ANKFN1: variants seen among roughly 807,000 people sequenced by gnomAD.
The protein encoded by ANKFN1 is ankyrin repeat and fibronectin type III domain containing 1, also known as ankyrin repeat and fibronectin type-III domain-containing protein 1.
In ANKFN1, 74 loss-of-function variants were observed where a neutral mutation model predicts 108.7. The ratio of observed to expected loss-of-function variants is 0.68; its 90% CI spans 0.56 to 0.83. The LOEUF is 0.83. Ranked by LOEUF, ANKFN1 falls within the 40% of genes least tolerant of loss-of-function variation. The pLI, the probability that ANKFN1 is intolerant of heterozygous loss-of-function variation, is 0.00. For synonymous variants in ANKFN1, 547 were observed against 516.2 expected (o/e 1.06, Z -0.81); for missense variants, 1,505 against 1,382.3 (o/e 1.09, Z -1.41).
chr17:56,119,972 G>A (rs926752923), intron 4 of ANKFN1, among the ~76,000 whole-genome samples: 1 of 152,044 alleles, frequency 6.6e-6, no homozygotes, highest in Non-Finnish European at 1.5e-5. Flanking sequence ...ATTTGTGTTC[G>A]TCAAATCCTT....
At chr17:56,161,397 G>A (rs1275830805) in intron 1 of ANKFN1, among the ~76,000 whole-genome samples, 1 of 152,060 alleles carries the variant, frequency 6.6e-6, no homozygotes. Flanking sequence ...TTTCCATTTC[G>A]TATCCCACTC....
At chr17:56,294,718 T>C (rs570516706) in intron 3 of ANKFN1, among the ~76,000 whole-genome samples, 9 of 152,204 alleles carry the variant, frequency 5.9e-5, no homozygotes, top group South Asian at 2.1e-4. Flanking sequence ...CTGGCAGAAA[T>C]AGCAGAAACT....
chr17:56,372,910 T>C (rs753297681), intron 7 of ANKFN1, 70 bp downstream of exon 7: 4 of 1,503,580 alleles, frequency 2.7e-6, no homozygotes, highest in Non-Finnish European at 3.6e-6. Flanking sequence ...AGGTCTTCTT[T>C]TACAGATTTT....
At chr17:56,325,262 C>CTGTGTG (rs57226368) in intron 3 of ANKFN1, among the ~76,000 whole-genome samples, 23 of 149,514 alleles carry the variant, frequency 1.5e-4, no homozygotes, top group Admixed American at 5.3e-4. Context: ...GCTAGTGTCG[C>CTGTGTG]TGTGTGTGTG....
At chr17:56,481,082 C>CAAAAAAA (rs11439875) in intron 17 of ANKFN1, among the ~76,000 whole-genome samples, 15 of 65,862 alleles carry the variant, frequency 2.3e-4, no homozygotes, top group South Asian at 5.9e-4. Flanking sequence ...GTCTGGTCAG[C>CAAAAAAA]AAAAAAAAAA....
intron 4 of ANKFN1, among the ~76,000 whole-genome samples, chr17:56,331,104 G>T (rs572940634): frequency 1.8e-4 from 27 of 152,186 alleles, no homozygotes; most frequent in African/African-American, 6.0e-4. Context: ...AAGCCTTAAG[G>T]TCCCCTAGTT....
chr17:56,419,967 C>T (rs1174941574), intron 8 of ANKFN1, among the ~76,000 whole-genome samples: 3 of 152,110 alleles, frequency 2.0e-5, no homozygotes, highest in Non-Finnish European at 4.4e-5. Flanking sequence ...TTTTAATAAC[C>T]TGGTTCCCCA....
Position 56,492,329 on chromosome 17 carries a change from C to A in ANKFN1, c.2403C>A (p.His801Gln). The change falls in exon 19 of 21, where the codon CAC (histidine) becomes CAA (glutamine). Residue 801 changes from histidine to glutamine, a missense_variant. Coordinates refer to ENST00000682825, the MANE Select transcript of ANKFN1 (RefSeq NM_001370326.1). ...DSEVAAAKQR[H>Q]QQVLDFIQQI... ...AGGTTGCAGCTGCCAAACAAAGACA[C>A]CAGCAAGTTTTAGATTTCATTCAGG... 1 of 702,232 alleles carries A rather than the reference C, an allele frequency of 1.4e-6. No individual in the cohort carries two copies. Among genetic ancestry groups the A allele is most frequent in the African/African-American group, 1.7e-5 (1 of 57,266 alleles). 43.5% of individuals were successfully genotyped at this position (702,232 alleles called of 1,614,324 possible).
At chr17:56,457,528 C>A in intron 13 of ANKFN1, 139 bp downstream of exon 13, 1 of 924,288 alleles carries the variant, frequency 1.1e-6, no homozygotes, top group Non-Finnish European at 1.6e-6. Flanking sequence ...CCTTTTCAGC[C>A]CTGGTATGCC....
intron 1 of ANKFN1, among the ~76,000 whole-genome samples, chr17:56,179,532 A>G (rs1489962598): frequency 6.6e-6 from 1 of 152,202 alleles, no homozygotes; most frequent in African/African-American, 2.4e-5. Context: ...AGCCATTTGT[A>G]GGGCAGCAGA....
At chr17:56,101,335 T>C (rs1242555513) in intron 4 of ANKFN1, among the ~76,000 whole-genome samples, 1 of 152,208 alleles carries the variant, frequency 6.6e-6, no homozygotes, top group African/African-American at 2.4e-5. Context: ...ATGTCACAGA[T>C]GAATCTTTCC....
chr17:56,235,457 G>A (rs1277537753), intron 3 of ANKFN1, among the ~76,000 whole-genome samples: 1 of 152,100 alleles, frequency 6.6e-6, no homozygotes, highest in Non-Finnish European at 1.5e-5. Flanking sequence ...GTATTGCCTA[G>A]GTTGTCTTCC....
intron 4 of ANKFN1, among the ~76,000 whole-genome samples, chr17:56,141,228 A>T (rs1907898013): frequency 6.6e-6 from 1 of 152,174 alleles, no homozygotes; most frequent in South Asian, 2.1e-4. Flanking sequence ...AGAAACACAA[A>T]TCTGTAGACA....
At chr17:56,267,223 A>G (rs2043675795) in intron 3 of ANKFN1, among the ~76,000 whole-genome samples, 1 of 152,150 alleles carries the variant, frequency 6.6e-6, no homozygotes, top group African/African-American at 2.4e-5. Flanking sequence ...AAAGGACATA[A>G]TTTACTGTAA....
intron 4 of ANKFN1, among the ~76,000 whole-genome samples, chr17:56,111,650 C>T (rs1007448870): frequency 5.9e-5 from 9 of 152,042 alleles, no homozygotes; most frequent in African/African-American, 2.2e-4. Flanking sequence ...TGACATCTCC[C>T]ATAGTTCTAA....
intron 11 of ANKFN1, among the ~76,000 whole-genome samples, chr17:56,453,009 G>C (rs1429837532): frequency 3.3e-5 from 5 of 152,088 alleles, no homozygotes; most frequent in Non-Finnish European, 5.9e-5. Flanking sequence ...CAGTAAAGCA[G>C]TTAAAACAGT....
chr17:56,354,143 TGACTAAGCATA>T, intron 6 of ANKFN1, 97 bp downstream of exon 6: 1 of 1,176,004 alleles, frequency 8.5e-7, no homozygotes, highest in Non-Finnish European at 1.2e-6. Context: ...CAGGAATGGT[TGACTAAGCATA>T]GACTCTGATA....
At position 56,499,041 on chromosome 17, in the gene ANKFN1, G is replaced by C. The variant is rs61753934; in HGVS notation, c.2587G>C (p.Asp863His). 34,964 of 1,535,618 alleles carry C rather than the reference G, an allele frequency of 0.023. 570 individuals carry two copies. The highest frequency in any genetic ancestry group is 0.08 in the African/African-American group (5,854 of 73,060). The stretch of plus-strand genomic sequence containing the variant: ...CAATTCTACATCATCATCACATATA[G>C]ACTGTCTTCCATCCCCACCCCCATC... ...KINSTSSSHI[D>H]CLPSPPPSPE... Residue 863 changes from aspartate (D) to histidine (H), a missense_variant, in exon 20 of 21, where the codon GAC becomes CAC. Physicochemically the swap from Asp to His is moderately conservative, Grantham distance 81 (BLOSUM62 -1). Coordinates refer to ENST00000682825, the MANE Select transcript of ANKFN1 (RefSeq NM_001370326.1).
chr17:56,303,851 A>ATT (rs34077118), intron 3 of ANKFN1, among the ~76,000 whole-genome samples: 5,122 of 131,846 alleles, frequency 0.039, 205 homozygotes, highest in African/African-American at 0.09. Flanking sequence ...CGCTGAGCCA[A>ATT]TTTTTTTTTT....
Sources: gnomAD v4.1 joint callset for allele counts (sites outside exome capture counted in the v4.1 genomes callset) on GRCh38, gnomAD v4.1.1 for gene constraint, MANE v1.5 for transcripts, NCBI Gene and HGNC (gene_info 2026-07-23, HGNC 2026-07-21) for gene names.